COLGALT2: variants seen among roughly 807,000 people sequenced by gnomAD.
COLGALT2 encodes the protein procollagen galactosyltransferase 2.
In COLGALT2, 49 loss-of-function variants were observed where a neutral mutation model predicts 73.4. The observed-to-expected ratio is 0.67, with a 90% confidence interval of 0.53 to 0.85. The LOEUF (loss-of-function observed/expected upper bound fraction) is 0.85. Among genes scored for constraint, COLGALT2 ranks in the 40% least tolerant of loss-of-function variants. COLGALT2 has a pLI of 0.00. For synonymous variants in COLGALT2, 295 were observed against 307.6 expected, an observed-to-expected ratio of 0.96 and a Z score of 0.43; for missense variants, 722 against 790.2, an observed-to-expected ratio of 0.91 and a Z score of 1.03.
chr1:183,930,747 TAC>T (rs2102779825), intron 11 of COLGALT2, among the ~76,000 whole-genome samples: 2 of 152,162 alleles, frequency 1.3e-5, no homozygotes, highest in Admixed American at 1.3e-4. Flanking sequence ...ATTTTTAACA[TAC>T]AGTCACTCAC....
intron 1 of COLGALT2, among the ~76,000 whole-genome samples, chr1:184,001,267 AT>A (rs1360699972): frequency 1.3e-5 from 2 of 152,180 alleles, no homozygotes; most frequent in Admixed American, 6.5e-5. Flanking sequence ...TTTAAAAAAA[AT>A]AAAATAAATA....
In COLGALT2 at chr1:183,982,813, A is replaced by C. The variant is rs1049131042; in HGVS notation, c.264-4293T>G. 2.0e-5 allele frequency among the ~76,000 whole-genome samples: 3 copies of C among 152,310 alleles called. No homozygotes were observed. In the East Asian group the frequency reaches 5.8e-4, roughly 29 times the overall value. On this transcript the variant is annotated intron_variant, in intron 1 of 11. Transcript: ENST00000361927. Reference sequence around the variant, plus strand: ...TGAGACCCCATCTCTTAAAAAAAATAGTCTAGGTAATTTATACAGCATCTA... The same window carrying C: ...TGAGACCCCATCTCTTAAAAAAAATCGTCTAGGTAATTTATACAGCATCTA...
At chr1:184,001,645 A>G (rs1179488600) in intron 1 of COLGALT2, among the ~76,000 whole-genome samples, 1 of 152,236 alleles carries the variant, frequency 6.6e-6, no homozygotes, top group African/African-American at 2.4e-5. Context: ...GATGACTAAT[A>G]TATCCCAATT....
At position 183,967,868 on chromosome 1, in the gene COLGALT2, A is replaced by C. The variant is rs114823469; in HGVS notation, c.832+1401T>G. 2.3e-3 allele frequency among the ~76,000 whole-genome samples: 346 copies of C among 152,280 alleles called. 2 individuals are homozygous for C. Among genetic ancestry groups the C allele is most frequent in the African/African-American group, 8.1e-3 (335 of 41,570 alleles). The stretch of plus-strand genomic sequence containing the variant: ...ATCTTTACAAAAATCTTCCAATCAT[A>C]TGAGGATTGCTTTTGCCTAGACATA... On this transcript the variant is annotated intron_variant, in intron 5 of 11. Coordinates refer to ENST00000361927, the MANE Select transcript of COLGALT2 (RefSeq NM_015101.4).
At chr1:183,947,234 T>C (rs554682544) in intron 8 of COLGALT2, among the ~76,000 whole-genome samples, 37 of 152,264 alleles carry the variant, frequency 2.4e-4, no homozygotes, top group African/African-American at 8.4e-4. Flanking sequence ...AATAATATCT[T>C]AAAATAATCA....
intron 1 of COLGALT2, among the ~76,000 whole-genome samples, chr1:184,012,223 T>G (rs932850845): frequency 1.3e-4 from 20 of 152,230 alleles, no homozygotes; most frequent in African/African-American, 4.3e-4. Flanking sequence ...CTTATAAGCC[T>G]TTTTGTGCAA....
rs1213145643 is a variant in COLGALT2 at position 183,930,557 on chromosome 1, TTTTTTC to T, written c.1605-274_1605-269del. On this transcript the variant is annotated intron_variant, in intron 11 of 11. Transcript: ENST00000649786. ...CCGCAAGCCACCAATGCCCTGCTAA[TTTTTTC>T]TTTTTCTTTTTTTTTTTTTTTTTTT... 6.5e-5 allele frequency among the ~76,000 whole-genome samples: 8 copies of T among 122,668 alleles called. No homozygotes were observed. In the South Asian group the frequency reaches 2.2e-3, roughly 34 times the overall value. The allele number at this position is 122,668 out of a possible 152,430, so 80.5% of individuals were successfully genotyped here.
At chr1:183,944,063 T>C in intron 10 of COLGALT2, 133 bp downstream of exon 10, 3 of 1,096,914 alleles carry the variant, frequency 2.7e-6, no homozygotes, top group South Asian at 1.9e-5. Context: ...TCTGAGAACA[T>C]TTATGGAAAG....
downstream of COLGALT2, among the ~76,000 whole-genome samples, chr1:183,932,481 C>T (rs2986553): frequency 0.17 from 25,725 of 151,932 alleles, 2,332 homozygotes; most frequent in Admixed American, 0.25. Context: ...AACCTCCTCC[C>T]GGGAGGAGCC....
chr1:183,997,621 T>C (rs2102835644), intron 1 of COLGALT2, among the ~76,000 whole-genome samples: 1 of 152,320 alleles, frequency 6.6e-6, no homozygotes, highest in African/African-American at 2.4e-5. Flanking sequence ...GTTTACAAAT[T>C]TGTGTTGGGC....
Position 184,032,699 on chromosome 1 carries a change from A to G in COLGALT2, c.263+4396T>C, listed in dbSNP as rs570811478. Among the ~76,000 whole-genome samples, 23 of 152,364 alleles carry G rather than the reference A, an allele frequency of 1.5e-4. No individual in the cohort carries two copies. The South Asian group carries it at 4.6e-3, about 30-fold the overall frequency. ...TAAACCGAAACTTCTATCTGTAGGG[A>G]TAACATACAACATTTAATATCAAGA... On this transcript the variant is annotated intron_variant, in intron 1 of 11. Coordinates refer to ENST00000361927, the MANE Select transcript of COLGALT2 (RefSeq NM_015101.4).
chr1:183,930,055 T>G, exon 12 of COLGALT2: 1 of 325,916 alleles, frequency 3.1e-6, no homozygotes, highest in Admixed American at 3.9e-5. Context: ...TGTTCCCAAC[T>G]GCCTTAGACC....
At chr1:183,988,800 T>C (rs1323771054) in intron 1 of COLGALT2, among the ~76,000 whole-genome samples, 2 of 152,218 alleles carry the variant, frequency 1.3e-5, no homozygotes, top group African/African-American at 4.8e-5. Context: ...CTATGAACAT[T>C]CATGTACAGG....
At chr1:184,000,318 T>TATTG (rs1384418856) in intron 1 of COLGALT2, among the ~76,000 whole-genome samples, 2 of 152,116 alleles carry the variant, frequency 1.3e-5, no homozygotes, top group African/African-American at 2.4e-5. Context: ...TTTCTTAACT[T>TATTG]ATTGATTGAT....
intron 1 of COLGALT2, among the ~76,000 whole-genome samples, chr1:183,990,490 G>T (rs1671602395): frequency 6.6e-6 from 1 of 152,216 alleles, no homozygotes; most frequent in African/African-American, 2.4e-5. Context: ...AAATACAGAT[G>T]TGTAAATAAA....
rs115243733 is a variant in COLGALT2, at chr1:183,951,707, G to A, written c.1030-594C>T. On this transcript the variant is annotated intron_variant, in intron 7 of 11. Coordinates refer to ENST00000361927, the MANE Select transcript of COLGALT2 (RefSeq NM_015101.4). Reference sequence around the variant, plus strand: ...ATGGAAAAAAATGGAAGGATATTAAGAAAAGAAAGATATCCCATGTTCATA... The same window carrying A: ...ATGGAAAAAAATGGAAGGATATTAAAAAAAGAAAGATATCCCATGTTCATA... Among the ~76,000 whole-genome samples the A allele has an allele frequency of 2.4e-3, 359 of 152,114 alleles. 2 individuals are homozygous for A. Among genetic ancestry groups the A allele is most frequent in the Non-Finnish European group, 4.4e-3 (302 of 67,964 alleles).
At position 183,937,215 on chromosome 1, in the gene COLGALT2, GC is replaced by G; in HGVS notation, c.*1545del. ...AAGCTCAGGGTTTGGGGTGTGCACG[GC>G]CCCCCATATGGCTGCATGGTGCATG... is the stretch of plus-strand genomic sequence containing the variant. On this transcript the variant is annotated 3_prime_UTR_variant, in exon 12 of 12. Transcript: ENST00000361927. 3 of 1,213,038 alleles carry G rather than the reference GC, an allele frequency of 2.5e-6. No individual in the cohort carries two copies. Among genetic ancestry groups the G allele is most frequent in the East Asian group, 3.3e-5 (1 of 30,252 alleles). The allele number at this position is 1,213,038 out of a possible 1,614,324, so 75.1% of individuals were successfully genotyped here.
intron 1 of COLGALT2, among the ~76,000 whole-genome samples, chr1:184,015,612 T>C (rs1380236244): frequency 6.6e-6 from 1 of 152,252 alleles, no homozygotes; most frequent in Non-Finnish European, 1.5e-5. Context: ...TCTCCCTGTG[T>C]AGGTACCTAT....
chr1:183,992,533 A>C (rs1671656474), intron 1 of COLGALT2, among the ~76,000 whole-genome samples: 1 of 152,190 alleles, frequency 6.6e-6, no homozygotes, highest in Non-Finnish European at 1.5e-5. Context: ...CATAATTTTC[A>C]ATGATGTCTT....
Sources: gnomAD v4.1 joint callset for allele counts (sites outside exome capture counted in the v4.1 genomes callset) on GRCh38, gnomAD v4.1.1 for gene constraint, MANE v1.5 for transcripts, NCBI Gene and HGNC (gene_info 2026-07-23, HGNC 2026-07-21) for gene names.